The following TFEC variants were observed in gnomAD, a reference collection of about 807,000 sequenced individuals.
TFEC encodes transcription factor EC.
Under a neutral mutation model 41.6 loss-of-function variants are expected in TFEC, and 31 were observed. That is an observed-to-expected ratio of 0.74 (90% CI 0.56 to 1.01). The LOEUF (loss-of-function observed/expected upper bound fraction) is 1.01. TFEC is among the 50% of genes least tolerant of loss of function. The pLI, the probability that TFEC is intolerant of heterozygous loss-of-function variation, is 0.00. For missense variants in TFEC, 402 were observed against 404.1 expected, an observed-to-expected ratio of 0.99 and a Z score of 0.04; for synonymous variants, 143 against 140.6, an observed-to-expected ratio of 1.02 and a Z score of -0.12.
intron 3 of TFEC, among the ~76,000 whole-genome samples, chr7:115,963,260 G>A (rs1792663172): frequency 6.6e-6 from 1 of 151,846 alleles, no homozygotes; most frequent in Non-Finnish European, 1.5e-5. Context: ...TTAGGAAAAT[G>A]CAAATCAAAG....
chr7:115,980,402 T>G (rs1388006915), intron 2 of TFEC, among the ~76,000 whole-genome samples: 1 of 152,158 alleles, frequency 6.6e-6, no homozygotes, highest in Non-Finnish European at 1.5e-5. Flanking sequence ...TACAACAGCC[T>G]CTGACTACCT....
chr7:116,109,473 A>T (rs183853364), intron 3 of TFEC, among the ~76,000 whole-genome samples: 1 of 152,248 alleles, frequency 6.6e-6, no homozygotes, highest in Admixed American at 6.5e-5. Context: ...ACATCAAAAA[A>T]TGCTCATCAT....
rs1016793752 is a variant in TFEC, at chr7:115,935,793, TG to T, written c.*4757del. 1 of 151,592 alleles carries T rather than the reference TG, an allele frequency of 6.6e-6. No homozygotes were observed. Among genetic ancestry groups the T allele is most frequent in the African/African-American group, 2.4e-5 (1 of 41,394 alleles). The allele number at this position is 151,592 out of a possible 1,614,324, so 9.4% of individuals were successfully genotyped here. ...CAAAAGTCTTTACTGTTATTCTTTA[TG>T]CCTGTTGGATAATGTAAGAAAAAGA... On this transcript the variant is annotated 3_prime_UTR_variant, in exon 8 of 8. Transcript: ENST00000265440.
chr7:116,106,428 G>C (rs542860996), intron 3 of TFEC, among the ~76,000 whole-genome samples: 16 of 152,092 alleles, frequency 1.1e-4, no homozygotes, highest in Non-Finnish European at 2.1e-4. Flanking sequence ...TGTCACCCAA[G>C]CTGGAGTGCA....
At chr7:116,043,652 T>C (rs565514911) in intron 3 of TFEC, among the ~76,000 whole-genome samples, 2 of 152,120 alleles carry the variant, frequency 1.3e-5, no homozygotes, top group South Asian at 2.1e-4. Flanking sequence ...TTAAAAGCAG[T>C]ATAGCTGTAC....
At position 115,941,866 on chromosome 7, in the gene TFEC, G is replaced by T; in HGVS notation, c.663+27C>A. 3 of 1,611,556 alleles carry T rather than the reference G, an allele frequency of 1.9e-6. No individual in the cohort carries two copies. In the South Asian group the frequency reaches 3.3e-5, roughly 18 times the overall value. ...CAGCTGAGTCATGTGTAAGCTATGT[G>T]ACTCATGGCTACATTCTTATAAAAA... On this transcript the variant is annotated intron_variant, in intron 7 of 7. Coordinates refer to ENST00000265440, the MANE Select transcript of TFEC (RefSeq NM_012252.4).
At position 115,938,535 on chromosome 7, in the gene TFEC, A is replaced by G. The variant is rs1469982781; in HGVS notation, c.*2016T>C. ...AAGTTAGTAATTATTTTTCCATGTC[A>G]AACAATAAAATTATTTTAATTCTCC... On this transcript the variant is annotated 3_prime_UTR_variant, in exon 8 of 8. Coordinates refer to ENST00000265440, the MANE Select transcript of TFEC (RefSeq NM_012252.4). The G allele has an allele frequency of 6.6e-6, 1 of 151,846 alleles. No homozygotes were observed. Among genetic ancestry groups the G allele is most frequent in the Non-Finnish European group, 1.5e-5 (1 of 67,862 alleles). The allele number at this position is 151,846 out of a possible 1,614,324, so 9.4% of individuals were successfully genotyped here. A position where few individuals can be genotyped will look rare whatever the true frequency, so the allele number is the denominator to read the frequency against.
At chr7:116,042,987 CT>C (rs1184070446) in intron 3 of TFEC, among the ~76,000 whole-genome samples, 3 of 152,110 alleles carry the variant, frequency 2.0e-5, no homozygotes, top group Admixed American at 6.5e-5. Context: ...GTTGCTAAAA[CT>C]TGAGTCTTTG....
intron 1 of TFEC, among the ~76,000 whole-genome samples, chr7:115,988,273 C>A (rs1275169915): frequency 6.6e-6 from 1 of 151,708 alleles, no homozygotes; most frequent in Non-Finnish European, 1.5e-5. Context: ...AATTATCAGA[C>A]CAGGATGAAT....
chr7:116,083,439 T>C (rs181958215), intron 3 of TFEC, among the ~76,000 whole-genome samples: 5 of 152,054 alleles, frequency 3.3e-5, no homozygotes, highest in Admixed American at 2.0e-4. Flanking sequence ...CTTAGAAATA[T>C]GTTAGGAATT....
Position 116,134,513 on chromosome 7 carries a change from G to A in TFEC, c.-68-22475C>T, listed in dbSNP as rs1295811032. Among the ~76,000 whole-genome samples the A allele has an allele frequency of 2.6e-5, 4 of 151,902 alleles. No homozygotes were observed. The East Asian group carries it at 7.7e-4, about 29-fold the overall frequency. ...AATTCTAGTTCAAACCCTTCCCTTT[G>A]GGTCTCTGAAATTTTTTTTATTCAC... On this transcript the variant is annotated intron_variant, in intron 1 of 8. Coordinates refer to the TFEC transcript ENST00000484212.
At chr7:116,159,795 C>T (rs879819940) in exon 1 of TFEC, 3 of 152,036 alleles carry the variant, frequency 2.0e-5, no homozygotes, top group Non-Finnish European at 4.4e-5. Context: ...ATTACCTTTG[C>T]TGGTGGCTCA....
chr7:115,991,159 T>C (rs191249597), intron 1 of TFEC, among the ~76,000 whole-genome samples: 13 of 152,270 alleles, frequency 8.5e-5, no homozygotes, highest in Admixed American at 2.6e-4. Flanking sequence ...TAAAATCCTT[T>C]ACAGACAAGC....
At chr7:116,080,631 A>G (rs1797065459) in intron 3 of TFEC, among the ~76,000 whole-genome samples, 1 of 152,118 alleles carries the variant, frequency 6.6e-6, no homozygotes, top group African/African-American at 2.4e-5. Flanking sequence ...GCAAATCAAA[A>G]CCACAATGCA....
Position 116,095,637 on chromosome 7 carries a change from A to G in TFEC, c.198+15071T>C, listed in dbSNP as rs28694620. On this transcript the variant is annotated intron_variant, in intron 3 of 8. Transcript: ENST00000484212. ...TTTTATATTTTGAACTCACTCATTA[A>G]TATGTTGTAATCTGGCTTCTGTTCC... 4.9e-3 allele frequency among the ~76,000 whole-genome samples: 751 copies of G among 152,238 alleles called. 5 individuals carry two copies. The highest frequency in any genetic ancestry group is 0.018 in the African/African-American group (728 of 41,548).
At chr7:116,023,878 C>G (rs1165365122) in intron 1 of TFEC, among the ~76,000 whole-genome samples, 3 of 152,100 alleles carry the variant, frequency 2.0e-5, no homozygotes, top group African/African-American at 7.2e-5. Flanking sequence ...GACTTTTCGC[C>G]TCTCTGACCA....
At chr7:115,966,315 AG>A (rs1341051711) in intron 3 of TFEC, among the ~76,000 whole-genome samples, 1 of 151,686 alleles carries the variant, frequency 6.6e-6, no homozygotes, top group Admixed American at 6.6e-5. Context: ...GGAGGGTGTG[AG>A]GGGGAAGAAT....
At chr7:116,003,262 AT>A (rs1397794030) in intron 1 of TFEC, among the ~76,000 whole-genome samples, 13 of 148,080 alleles carry the variant, frequency 8.8e-5, no homozygotes, top group South Asian at 8.7e-4. Flanking sequence ...AAAAAAAAAA[AT>A]TAAATAATTA....
chr7:115,954,772 T>C, intron 4 of TFEC, 130 bp from the exon 5 acceptor site: 2 of 671,900 alleles, frequency 3.0e-6, no homozygotes, highest in South Asian at 2.4e-5. Context: ...ATATTTTTGA[T>C]GCAAATATTC....
Sources: gnomAD v4.1 joint callset for allele counts (sites outside exome capture counted in the v4.1 genomes callset) on GRCh38, gnomAD v4.1.1 for gene constraint, MANE v1.5 for transcripts, NCBI Gene and HGNC (gene_info 2026-07-23, HGNC 2026-07-21) for gene names.